Variants in GSE1 observed in about 807,000 individuals in gnomAD.
GSE1 encodes the protein Gse1 coiled-coil protein.
A neutral mutation model predicts 112.6 loss-of-function variants in GSE1; 32 were observed. That is an observed-to-expected ratio of 0.28 (90% CI 0.21 to 0.38). GSE1 has a LOEUF of 0.38. GSE1 is among the 10% of genes least tolerant of loss of function. The probability of loss-of-function intolerance (pLI) is 1.00; values close to 1 mark genes in which losing one functional copy is unlikely to be tolerated. For synonymous variants in GSE1, 1,115 were observed against 735.6 expected (o/e 1.52, Z -8.35); for missense variants, 2,348 against 1,699.2 (o/e 1.38, Z -6.71).
rs750114176 is a variant in GSE1 at position 85,417,552 on chromosome 16, C to A, written c.2464+59909C>A. Among the ~76,000 whole-genome samples, 86 of 152,248 alleles carry A rather than the reference C, an allele frequency of 5.6e-4. 1 individual carries two copies. Among genetic ancestry groups the A allele is most frequent in the Non-Finnish European group, 1.1e-3 (76 of 68,040 alleles). ...CATAGCGGTAGGAAGCTCACCTCTA[C>A]CACTGCCTCCAGAGTGTCTGCATCA... On this transcript the variant is annotated intron_variant, in intron 2 of 2. Transcript: ENST00000637419.
At chr16:85,330,444 G>C (rs1567691720) in intron 1 of GSE1, among the ~76,000 whole-genome samples, 2 of 152,230 alleles carry the variant, frequency 1.3e-5, no homozygotes, top group South Asian at 4.1e-4. Flanking sequence ...CAAGACCCAA[G>C]TCGGATTTCT....
intron 2 of GSE1, among the ~76,000 whole-genome samples, chr16:85,358,657 C>T (rs922439195): frequency 1.2e-4 from 19 of 152,210 alleles, no homozygotes; most frequent in South Asian, 2.1e-4. Context: ...ACCCCAATAC[C>T]GACCTCTTTC....
chr16:85,213,310 T>G (rs983323111), intron 1 of GSE1, among the ~76,000 whole-genome samples: 2 of 150,820 alleles, frequency 1.3e-5, no homozygotes, highest in African/African-American at 4.9e-5. Flanking sequence ...GCCAGGCATG[T>G]TGGCATGCGT....
intron 2 of GSE1, chr16:85,489,973 A>G (rs2050959749): frequency 6.6e-6 from 1 of 152,040 alleles, no homozygotes; most frequent in South Asian, 2.1e-4. Context: ...GGAAGGACCT[A>G]CCTCCTTTAG....
upstream of GSE1, chr16:85,613,230 A>G (rs2048112597): frequency 7.3e-6 from 11 of 1,504,252 alleles, no homozygotes; most frequent in Admixed American, 1.8e-4. Flanking sequence ...CGGCGGCGAC[A>G]GCAGCAGGTG....
At chr16:85,240,751 T>A (rs779031915) in intron 1 of GSE1, among the ~76,000 whole-genome samples, 3 of 152,116 alleles carry the variant, frequency 2.0e-5, no homozygotes, top group Non-Finnish European at 4.4e-5. Flanking sequence ...CAGTTGAGGG[T>A]GTCAGAATGG....
chr16:85,538,148 G>A (rs1567570303), intron 2 of GSE1, among the ~76,000 whole-genome samples: 1 of 152,226 alleles, frequency 6.6e-6, no homozygotes, highest in Non-Finnish European at 1.5e-5. Flanking sequence ...AGAGAGGCAC[G>A]CTGGCCGTTC....
chr16:85,548,246 A>G (rs1598138530), intron 2 of GSE1, among the ~76,000 whole-genome samples: 2 of 72,644 alleles, frequency 2.8e-5, no homozygotes, highest in East Asian at 6.4e-4. Context: ...AAAAAAAAAA[A>G]GAAAGAAAGA....
chr16:85,507,025 C>T (rs1345906545), intron 2 of GSE1, among the ~76,000 whole-genome samples: 1 of 152,150 alleles, frequency 6.6e-6, no homozygotes, highest in Non-Finnish European at 1.5e-5. Context: ...AGTGGCTCTG[C>T]CTCCCTCCTG....
intron 1 of GSE1, among the ~76,000 whole-genome samples, 191 bp from the exon 2 acceptor site, chr16:85,633,723 C>G (rs2049743505): frequency 1.3e-5 from 2 of 152,218 alleles, no homozygotes; most frequent in South Asian, 2.1e-4. Context: ...CGGGTTCCAG[C>G]TGGACTCTGG....
rs2052423039 is a variant in GSE1 at position 85,661,459 on chromosome 16, C to T, written c.1954C>T (p.Pro652Ser). The change falls in exon 9 of 16, where the codon CCT (proline) becomes TCT (serine). Residue 652 changes from proline to serine, a missense_variant. By Grantham distance (74) the Pro-to-Ser change is moderately conservative. Coordinates refer to ENST00000253458, the MANE Select transcript of GSE1 (RefSeq NM_014615.5). ...TGCCCCTCTGGACAAGTACCAGCCACCTCCGCCGCCACCACGAGAGGGAGG... is the reference window on the plus strand; with the variant it reads ...TGCCCCTCTGGACAAGTACCAGCCATCTCCGCCGCCACCACGAGAGGGAGG... ...EPAPLDKYQP[P>S]PPPPREGGSL... The T allele has an allele frequency of 2.5e-6, 4 of 1,611,440 alleles. No homozygotes were observed. The highest frequency in any genetic ancestry group is 1.1e-5 in the South Asian group (1 of 91,020).
At chr16:85,612,124 CG>C (rs1239630706), upstream of GSE1, among the ~76,000 whole-genome samples, 3 of 151,682 alleles carry the variant, frequency 2.0e-5, no homozygotes, top group Admixed American at 6.5e-5. Context: ...CAGAGCCGCC[CG>C]GGGGGGTTAC....
chr16:85,228,965 G>T (rs917551872), intron 1 of GSE1, among the ~76,000 whole-genome samples: 3 of 152,346 alleles, frequency 2.0e-5, no homozygotes, highest in Non-Finnish European at 4.4e-5. Context: ...GGCAGGACCT[G>T]GGCATCCCAG....
At chr16:85,386,260 T>A (rs2047686812) in intron 2 of GSE1, among the ~76,000 whole-genome samples, 1 of 152,186 alleles carries the variant, frequency 6.6e-6, no homozygotes, top group Non-Finnish European at 1.5e-5. Flanking sequence ...GCCCAATGCA[T>A]CCTGCCTGCG....
intron 1 of GSE1, among the ~76,000 whole-genome samples, chr16:85,206,067 C>T (rs999552363): frequency 6.6e-6 from 1 of 151,970 alleles, no homozygotes; most frequent in Non-Finnish European, 1.5e-5. Flanking sequence ...GGGAACAGGG[C>T]AGGTAGGGAA....
At chr16:85,177,397 A>AAG (rs2074489246) in intron 1 of GSE1, among the ~76,000 whole-genome samples, 2 of 152,212 alleles carry the variant, frequency 1.3e-5, no homozygotes, top group South Asian at 4.1e-4. Context: ...GGGGACACTG[A>AAG]AGAGAGATGC....
At chr16:85,560,043 A>G (rs2045436124) in intron 1 of GSE1, among the ~76,000 whole-genome samples, 1 of 151,982 alleles carries the variant, frequency 6.6e-6, no homozygotes, top group South Asian at 2.1e-4. Context: ...CTGTAATAAT[A>G]ATAATTCTTA....
intron 2 of GSE1, among the ~76,000 whole-genome samples, chr16:85,549,602 C>T (rs191651475): frequency 1.1e-3 from 167 of 152,256 alleles, no homozygotes; most frequent in Middle Eastern, 0.01. Context: ...GTGGGGTGTG[C>T]CCTGTAGCTC....
At chr16:85,404,481 G>A (rs1253296671) in intron 2 of GSE1, among the ~76,000 whole-genome samples, 1 of 34,702 alleles carries the variant, frequency 2.9e-5, no homozygotes, top group South Asian at 1.3e-3. Context: ...AATCCTCACC[G>A]TTACACTCAG....
Sources: allele counts gnomAD v4.1 joint callset (sites outside exome capture counted in the v4.1 genomes callset), GRCh38; gene constraint gnomAD v4.1.1; transcripts MANE v1.5; gene names NCBI Gene and HGNC (gene_info 2026-07-23, HGNC 2026-07-21).